NBEAL1: variants seen among roughly 807,000 people sequenced by gnomAD.
The protein encoded by NBEAL1 is neurobeachin-like protein 1.
In NBEAL1, 273 loss-of-function variants were observed where a neutral mutation model predicts 351.3. The ratio of observed to expected loss-of-function variants is 0.78; its 90% CI spans 0.70 to 0.86. The LOEUF is 0.86. Among genes scored for constraint, NBEAL1 ranks in the 40% least tolerant of loss-of-function variants. The pLI, the probability that NBEAL1 is intolerant of heterozygous loss-of-function variation, is 0.00. For missense variants in NBEAL1, 2,961 were observed against 3,201.3 expected, an observed-to-expected ratio of 0.92 and a Z score of 1.81; for synonymous variants, 1,050 against 1,086.4, an observed-to-expected ratio of 0.97 and a Z score of 0.66.
intron 31 of NBEAL1, among the ~76,000 whole-genome samples, chr2:203,142,114 C>A (rs945219231): frequency 1.3e-5 from 2 of 152,138 alleles, no homozygotes; most frequent in African/African-American, 4.8e-5. Flanking sequence ...TAGGGCATCA[C>A]CCATAGTAAT....
In NBEAL1 at chr2:203,119,811, T is replaced by A. The variant is rs374654062; in HGVS notation, c.2593-2443T>A. Among the ~76,000 whole-genome samples the A allele has an allele frequency of 2.1e-4, 32 of 152,320 alleles. No homozygotes were observed. The East Asian group carries it at 4.6e-3, about 22-fold the overall frequency. ...AAGGAACCAGTTTACTTTTGTTTTG[T>A]CCTACTGTTTCACCAGCTATTTGAG... On this transcript the variant is annotated intron_variant, in intron 18 of 55. Coordinates refer to ENST00000683969, the MANE Select transcript of NBEAL1 (RefSeq NM_001378026.1).
chr2:203,019,667 A>G (rs1163165476), intron 2 of NBEAL1, among the ~76,000 whole-genome samples: 1 of 152,212 alleles, frequency 6.6e-6, no homozygotes, highest in African/African-American at 2.4e-5. Context: ...ATAGGTCAAT[A>G]TTAAGGTACC....
At chr2:203,087,659 C>G (rs2061992964) in intron 10 of NBEAL1, among the ~76,000 whole-genome samples, 2 of 152,236 alleles carry the variant, frequency 1.3e-5, no homozygotes, top group African/African-American at 4.8e-5. Flanking sequence ...GCTTTTATAG[C>G]TACTTGAAAT....
chr2:203,182,575 A>G (rs1033491359), intron 43 of NBEAL1: 3 of 152,182 alleles, frequency 2.0e-5, no homozygotes, highest in African/African-American at 7.2e-5. Flanking sequence ...CATCTGCTAC[A>G]CTGTGATGGG....
intron 44 of NBEAL1, among the ~76,000 whole-genome samples, chr2:203,185,535 A>G (rs2064870153): frequency 6.6e-6 from 1 of 152,176 alleles, no homozygotes; most frequent in African/African-American, 2.4e-5. Context: ...TAACAATAAA[A>G]AGAAAGTATA....
chr2:203,028,039 A>G (rs1322562083), intron 2 of NBEAL1, among the ~76,000 whole-genome samples: 1 of 152,030 alleles, frequency 6.6e-6, no homozygotes, highest in Non-Finnish European at 1.5e-5. Flanking sequence ...ACGTGCCACC[A>G]CGCCTAGCTA....
intron 10 of NBEAL1, among the ~76,000 whole-genome samples, chr2:203,092,548 G>A (rs1412008529): frequency 6.6e-6 from 1 of 152,156 alleles, no homozygotes; most frequent in Non-Finnish European, 1.5e-5. Context: ...CTGGGCAACA[G>A]AGTGAGACTC....
chr2:203,074,186 C>A (rs772501930), intron 7 of NBEAL1, among the ~76,000 whole-genome samples: 2 of 152,024 alleles, frequency 1.3e-5, no homozygotes, highest in African/African-American at 2.4e-5. Context: ...TTTCAAAATA[C>A]CATGTTGTTC....
intron 11 of NBEAL1, among the ~76,000 whole-genome samples, chr2:203,098,096 ACT>A (rs1236215796): frequency 6.6e-6 from 1 of 152,046 alleles, no homozygotes; most frequent in Admixed American, 6.6e-5. Context: ...AAGATGCTGA[ACT>A]CTCTGTTAAT....
chr2:203,065,821 C>T (rs552829471), intron 6 of NBEAL1, among the ~76,000 whole-genome samples: 1 of 152,138 alleles, frequency 6.6e-6, no homozygotes, highest in East Asian at 1.9e-4. Flanking sequence ...TGCAAATAAG[C>T]GTTTTACAGC....
chr2:203,016,682 A>G (rs1357295685), intron 2 of NBEAL1, among the ~76,000 whole-genome samples: 1 of 152,226 alleles, frequency 6.6e-6, no homozygotes. Flanking sequence ...AAATGATCCT[A>G]AAATTATATA....
rs2064458662 is a variant in NBEAL1, at chr2:203,175,131, G to T, written c.6324-16G>T. Reference sequence around the variant, plus strand: ...TATTATTGTGGTTTTAAAACTTTAGGATTTTTTCCCCACAGATATGAAAAT... The same window carrying T: ...TATTATTGTGGTTTTAAAACTTTAGTATTTTTTCCCCACAGATATGAAAAT... On this transcript the variant is annotated splice_polypyrimidine_tract_variant and intron_variant, in intron 41 of 55. Coordinates refer to ENST00000683969, the MANE Select transcript of NBEAL1 (RefSeq NM_001378026.1). 2.5e-6 allele frequency: 4 copies of T among 1,601,670 alleles called. No individual in the cohort carries two copies. Among genetic ancestry groups the T allele is most frequent in the Non-Finnish European group, 3.4e-6 (4 of 1,172,822 alleles).
chr2:203,107,710 C>G lies in NBEAL1; in HGVS notation c.1471C>G (p.Leu491Val). The change falls in exon 14 of 56, where the codon CTG (leucine) becomes GTG (valine). Residue 491 changes from leucine to valine, a missense_variant. By Grantham distance (32) the Leu-to-Val change is conservative. Transcript: ENST00000683969. ...GCTTCCAGAACTACAATCCCATGAC[C>G]TGCAAATCTTCATCTCTGATTGGCT... ...QWLPELQSHD[L>V]QIFISDWLKR... is the part of the protein sequence containing the mutation. The G allele has an allele frequency of 6.4e-7, 1 of 1,553,494 alleles. No homozygotes were observed. Among genetic ancestry groups the G allele is most frequent in the Non-Finnish European group, 8.7e-7 (1 of 1,147,454 alleles).
Position 203,126,020 on chromosome 2 carries a change from A to G in NBEAL1, c.2912A>G (p.Gln971Arg). ...TFILIVKHFI[Q>R]RHPINQGNLI... ...ATCTTAATTGTGAAACATTTTATTC[A>G]GAGACATCCTATCAACCAGGGCAAT... is the stretch of plus-strand genomic sequence containing the variant. The change falls in exon 21 of 56, where the codon CAG becomes CGG. Residue 971 changes from glutamine (Q) to arginine (R), a missense_variant. Physicochemically the swap from Gln to Arg is conservative, Grantham distance 43 (BLOSUM62 1). Coordinates refer to ENST00000683969, the MANE Select transcript of NBEAL1 (RefSeq NM_001378026.1). 6.5e-7 allele frequency: 1 copy of G among 1,544,876 alleles called. No individual in the cohort carries two copies.
chr2:203,130,342 T>C lies in NBEAL1; in HGVS notation c.3430T>C (p.Phe1144Leu). 6.5e-7 allele frequency: 1 copy of C among 1,530,514 alleles called. No homozygotes were observed. Among genetic ancestry groups the C allele is most frequent in the Admixed American group, 2.2e-5 (1 of 44,974 alleles). The allele number at this position is 1,530,514 out of a possible 1,614,324, so 94.8% of individuals were successfully genotyped here. ...GCTCTTTGGAATTTTGGACGTGCTC[T>C]TCAGTCTCCTACGTACCAGCCCAAC... ...EQLFGILDVL[F>L]SLLRTSPTRG... Residue 1144 changes from phenylalanine to leucine, a missense_variant, in exon 25 of 56, where the codon TTC becomes CTC. Phe to Leu is a conservative substitution (Grantham distance 22). Coordinates refer to ENST00000683969, the MANE Select transcript of NBEAL1 (RefSeq NM_001378026.1).
chr2:203,120,048 CTCTG>C (rs368477510), intron 18 of NBEAL1, among the ~76,000 whole-genome samples: 114 of 152,192 alleles, frequency 7.5e-4, no homozygotes, highest in Non-Finnish European at 6.9e-4. Flanking sequence ...AAATAAAAGT[CTCTG>C]TCTGTAAGAA....
chr2:203,202,146 T>C (rs1041370302), intron 50 of NBEAL1, among the ~76,000 whole-genome samples: 1 of 152,158 alleles, frequency 6.6e-6, no homozygotes, highest in Non-Finnish European at 1.5e-5. Context: ...GAATAAAACA[T>C]TGAGTAGGTT....
At chr2:203,150,912 T>C (rs2063634322) in intron 34 of NBEAL1, among the ~76,000 whole-genome samples, 1 of 152,212 alleles carries the variant, frequency 6.6e-6, no homozygotes, top group African/African-American at 2.4e-5. Context: ...CCTCATGTCA[T>C]CTTGGGCAAA....
chr2:203,208,712 G>T lies in NBEAL1; in HGVS notation c.7582G>T (p.Gly2528Cys). 12 of 1,612,060 alleles carry T rather than the reference G, an allele frequency of 7.4e-6. No homozygotes were observed. Among genetic ancestry groups the T allele is most frequent in the Non-Finnish European group, 1.0e-5 (12 of 1,179,500 alleles). The part of the protein sequence containing the change: ...YGHTNEVLSV[G>C]ISTELDMAVS... ...ACACACCAACGAGGTACTGAGTGTC[G>T]GCATCAGCACTGAGCTAGACATGGC... The change falls in exon 52 of 56, where the codon GGC becomes TGC. Residue 2528 changes from glycine to cysteine, a missense_variant. Physicochemically the swap from Gly to Cys is radical, Grantham distance 159 (BLOSUM62 -3). Coordinates refer to ENST00000683969, the MANE Select transcript of NBEAL1 (RefSeq NM_001378026.1).
Sources: allele counts gnomAD v4.1 joint callset (sites outside exome capture counted in the v4.1 genomes callset), GRCh38; gene constraint gnomAD v4.1.1; transcripts MANE v1.5; gene names NCBI Gene and HGNC (gene_info 2026-07-23, HGNC 2026-07-21).